Variants in PITPNM2 observed in about 807,000 individuals in gnomAD.
The protein encoded by PITPNM2 is membrane-associated phosphatidylinositol transfer protein 2.
A neutral mutation model predicts 132.2 loss-of-function variants in PITPNM2; 35 were observed. That is an observed-to-expected ratio of 0.26 (90% confidence interval 0.20 to 0.35). PITPNM2 has a LOEUF of 0.35. Ranked by LOEUF, PITPNM2 falls within the 10% of genes least tolerant of loss-of-function variation. The pLI, the probability that PITPNM2 is intolerant of heterozygous loss-of-function variation, is 1.00. For synonymous variants in PITPNM2, 738 were observed against 799.2 expected, an observed-to-expected ratio of 0.92 and a Z score of 1.29; for missense variants, 1,332 against 1,912.0, an observed-to-expected ratio of 0.70 and a Z score of 5.66.
intron 10 of PITPNM2, among the ~76,000 whole-genome samples, chr12:122,998,596 T>C (rs1445850014): frequency 6.6e-6 from 1 of 152,062 alleles, no homozygotes; most frequent in Non-Finnish European, 1.5e-5. Context: ...ACTTGCTGTG[T>C]CCATATGATG....
intron 2 of PITPNM2, among the ~76,000 whole-genome samples, chr12:123,047,202 C>T (rs2040690893): frequency 6.6e-6 from 1 of 152,222 alleles, no homozygotes; most frequent in African/African-American, 2.4e-5. Flanking sequence ...CACAAGCTAA[C>T]AGCTGCTTTA....
chr12:123,046,526 CT>C (rs1229996468), intron 2 of PITPNM2, among the ~76,000 whole-genome samples: 33 of 152,174 alleles, frequency 2.2e-4, no homozygotes, highest in African/African-American at 7.2e-5. Flanking sequence ...ACCATCACCC[CT>C]ATCTAATTCC....
At chr12:123,114,156 G>A (rs2042892191) in intron 1 of PITPNM2, among the ~76,000 whole-genome samples, 1 of 152,056 alleles carries the variant, frequency 6.6e-6, no homozygotes, top group African/African-American at 2.4e-5. Flanking sequence ...TGTGAACATC[G>A]CTGTACAAAT....
intron 2 of PITPNM2, 121 bp downstream of exon 2, chr12:123,110,264 T>A (rs577195831): frequency 1.3e-5 from 2 of 152,270 alleles, no homozygotes; most frequent in South Asian, 4.2e-4. Flanking sequence ...ATAGTCCGGT[T>A]TTTAGGGGAA....
chr12:123,125,875 T>TTG (rs2043129494), intron 1 of PITPNM2, among the ~76,000 whole-genome samples: 1 of 101,260 alleles, frequency 9.9e-6, no homozygotes, highest in Admixed American at 9.5e-5. Flanking sequence ...TTTTTTTTTT[T>TTG]TTTTTTTTTT....
chr12:123,097,774 C>A lies in PITPNM2; in HGVS notation c.-96+12611G>T, dbSNP rs531574047. On this transcript the variant is annotated intron_variant, in intron 2 of 25. Transcript: ENST00000320201. This position sits in a 1 kb window ranked among gnomAD's most constrained non-coding sequence, Gnocchi z 4.7. ...CCAGAAATAGCCTTGAAGACATTCACGTGAAGATGACGGGCAGGTCCCCAG... is the reference window on the plus strand; with the variant it reads ...CCAGAAATAGCCTTGAAGACATTCAAGTGAAGATGACGGGCAGGTCCCCAG... Among the ~76,000 whole-genome samples the A allele has an allele frequency of 6.6e-6, 1 of 152,186 alleles. No individual in the cohort carries two copies. The highest frequency in any genetic ancestry group is 6.5e-5 in the Admixed American group (1 of 15,284).
chr12:122,996,641 G>A, intron 12 of PITPNM2, 64 bp from the exon 13 acceptor site: 1 of 1,611,246 alleles, frequency 6.2e-7, no homozygotes, highest in Non-Finnish European at 8.5e-7. Flanking sequence ...GGCTGGGGAG[G>A]CCGTCACCTT....
In PITPNM2 at chr12:122,995,592, G is replaced by GCCGCCA. The variant is rs1278743353; in HGVS notation, c.1845_1850dup (p.Gly621_Gly622dup). 17 of 1,604,366 alleles carry GCCGCCA rather than the reference G, an allele frequency of 1.1e-5. No individual in the cohort carries two copies. The highest frequency in any genetic ancestry group is 2.7e-5 in the African/African-American group (2 of 74,816). Reference sequence around the variant, plus strand: ...CACCACTGCTGCCACCACCGCCACCGCCGCCACCGCCACCACCGCAGCAGT... The same window carrying GCCGCCA: ...CACCACTGCTGCCACCACCGCCACCGCCGCCACCGCCACCGCCACCACCGCAGCAGT... On this transcript the variant is annotated inframe_insertion, in exon 14 of 26. Transcript: ENST00000320201.
chr12:123,013,933 T>C lies in PITPNM2; in HGVS notation c.188A>G (p.Tyr63Cys). The change falls in exon 4 of 26, where the codon TAT becomes TGT. Residue 63 changes from tyrosine (Y) to cysteine (C), a missense_variant. By Grantham distance (194) the Tyr-to-Cys change is radical (BLOSUM62 -2). Coordinates refer to ENST00000320201, the MANE Select transcript of PITPNM2 (RefSeq NM_020845.3). ...GCTGGGAATGTGCATGCCCACATGA[T>C]ACACCTTGTGTGTGTACTGCCCAGA... ...GGSGQYTHKV[Y>C]HVGMHIPSWF... The C allele has an allele frequency of 6.2e-7, 1 of 1,614,272 alleles. No homozygotes were observed. The highest frequency in any genetic ancestry group is 8.5e-7 in the Non-Finnish European group (1 of 1,180,042).
At position 122,992,019 on chromosome 12, in the gene PITPNM2, C is replaced by T. The variant is rs2038210615; in HGVS notation, c.2404+480G>A. ...ACCAGGACGTGACAAGACGCTGGGA[C>T]ACACGCTGGGGCAGGGGTCGGGCCA... On this transcript the variant is annotated intron_variant, in intron 16 of 25. Transcript: ENST00000320201. The surrounding 1 kb of genome is among the most constrained non-coding windows in gnomAD (Gnocchi z 6.5). 1.0e-6 allele frequency: 1 copy of T among 957,058 alleles called. No individual in the cohort carries two copies. The highest frequency in any genetic ancestry group is 1.4e-6 in the Non-Finnish European group (1 of 730,142). 59.3% of individuals were successfully genotyped at this position (957,058 alleles called of 1,614,324 possible). A position where few individuals can be genotyped will look rare whatever the true frequency, so the allele number is the denominator to read the frequency against.
Position 122,988,381 on chromosome 12 carries a change from G to A in PITPNM2, c.2881-31C>T. The A allele has an allele frequency of 2.5e-6, 4 of 1,587,288 alleles. No homozygotes were observed. In the South Asian group the frequency reaches 3.3e-5, roughly 13 times the overall value. On this transcript the variant is annotated intron_variant, in intron 19 of 25. Transcript: ENST00000320201. Reference sequence around the variant, plus strand: ...AAGAGGGGACAGTGCAGGCTGTGGGGCAGATGCCACCCGGGGGCTTCCTGC... The same window carrying A: ...AAGAGGGGACAGTGCAGGCTGTGGGACAGATGCCACCCGGGGGCTTCCTGC...
At chr12:123,126,828 G>C (rs749353018) in intron 1 of PITPNM2, among the ~76,000 whole-genome samples, 1 of 152,236 alleles carries the variant, frequency 6.6e-6, no homozygotes, top group Non-Finnish European at 1.5e-5. Context: ...AATTGCCTTT[G>C]AGAAAGATCA....
intron 2 of PITPNM2, among the ~76,000 whole-genome samples, chr12:123,065,994 G>A (rs1291081532): frequency 6.6e-6 from 1 of 152,220 alleles, no homozygotes; most frequent in East Asian, 1.9e-4. Context: ...CCCAAGGTCT[G>A]CAGCAGGCCT....
chr12:122,995,056 G>A (rs894683946), intron 14 of PITPNM2, 77 bp from the exon 15 acceptor site: 1 of 1,431,068 alleles, frequency 7.0e-7, no homozygotes, highest in Non-Finnish European at 9.3e-7. Flanking sequence ...GGTGGCAGCA[G>A]GTCCCAACCT....
chr12:122,987,286 C>T lies in PITPNM2; in HGVS notation c.3408G>A (p.Val1136=). The change falls in exon 23 of 26, where the codon GTG becomes GTA. Residue 1136 remains valine (V), a synonymous_variant. Transcript: ENST00000320201. ...TGCCCCTCTGGGCCACTCACCGCAC[C>T]ACGTCCACGGCCCCGGCCCGCACCT... ...DPKVRAGAVD[V]VRHWQDLGYL... is the part of the protein sequence containing the mutation. 22 of 1,611,542 alleles carry T rather than the reference C, an allele frequency of 1.4e-5. No individual in the cohort carries two copies. Among genetic ancestry groups the T allele is most frequent in the Non-Finnish European group, 1.7e-5 (20 of 1,179,972 alleles).
chr12:122,986,275 C>T lies in PITPNM2; in HGVS notation c.3802G>A (p.Ala1268Thr). The change falls in exon 26 of 26, where the codon GCC (alanine) becomes ACC (threonine). Residue 1268 changes from alanine (A) to threonine (T), a missense_variant. By Grantham distance (58) the Ala-to-Thr change is moderately conservative. Coordinates refer to ENST00000320201, the MANE Select transcript of PITPNM2 (RefSeq NM_020845.3). ...CCCTTGCGCAGCGCCATGCGGGTGG[C>T]CGTGTTGCGAGCGGGCCGCGCCCGG... ...SHRARPARNT[A>T]TRMALRKGSF... 1 of 1,581,852 alleles carries T rather than the reference C, an allele frequency of 6.3e-7. No homozygotes were observed. Among genetic ancestry groups the T allele is most frequent in the Non-Finnish European group, 8.6e-7 (1 of 1,168,868 alleles).
intron 1 of PITPNM2, among the ~76,000 whole-genome samples, chr12:123,140,125 C>G (rs920329701): frequency 2.0e-5 from 3 of 152,200 alleles, no homozygotes; most frequent in Non-Finnish European, 4.4e-5. Flanking sequence ...CTATCTAGAT[C>G]AAGAACCAGG....
chr12:122,989,744 A>C (rs891226975), intron 18 of PITPNM2, 43 bp downstream of exon 18: 1 of 1,353,058 alleles, frequency 7.4e-7, no homozygotes, highest in Non-Finnish European at 9.6e-7. Flanking sequence ...GGTGCTCAGC[A>C]GCAGAGTGAC....
At chr12:123,125,731 T>C (rs1187386518) in intron 1 of PITPNM2, among the ~76,000 whole-genome samples, 1 of 146,422 alleles carries the variant, frequency 6.8e-6, no homozygotes. Flanking sequence ...TAATCCCAGC[T>C]CTCAGGAGGC....
Sources: gnomAD v4.1 joint callset for allele counts (sites outside exome capture counted in the v4.1 genomes callset) on GRCh38, gnomAD v4.1.1 for gene constraint, Gnocchi (gnomAD v3.1) non-coding constraint, MANE v1.5 for transcripts, NCBI Gene and HGNC (gene_info 2026-07-23, HGNC 2026-07-21) for gene names.